Variants in COBL observed in about 807,000 individuals in gnomAD.
COBL encodes the protein cordon-bleu WH2 repeat protein.
Under a neutral mutation model 98.8 loss-of-function variants are expected in COBL, and 51 were observed. The observed-to-expected ratio is 0.52, with a 90% CI of 0.41 to 0.65. The LOEUF is 0.65. Ranked by LOEUF, COBL falls within the 30% of genes least tolerant of loss-of-function variation. The probability of loss-of-function intolerance (pLI) is 0.00; values close to 1 mark genes in which losing one functional copy is unlikely to be tolerated. For missense variants in COBL, 1,617 were observed against 1,617.5 expected, an observed-to-expected ratio of 1.00 and a Z score of 0.01; for synonymous variants, 634 against 651.7, an observed-to-expected ratio of 0.97 and a Z score of 0.41.
chr7:51,066,337 C>G (rs1016534475), intron 7 of COBL, among the ~76,000 whole-genome samples: 3 of 152,176 alleles, frequency 2.0e-5, no homozygotes, highest in African/African-American at 7.2e-5. Context: ...ACCACCTCCT[C>G]CACTTTCTCC....
intron 7 of COBL, among the ~76,000 whole-genome samples, chr7:51,067,281 A>G (rs1792031489): frequency 6.6e-6 from 1 of 152,280 alleles, no homozygotes; most frequent in Non-Finnish European, 1.5e-5. Context: ...CAAGTTACAA[A>G]TGTATATAGA....
At chr7:51,144,117 T>G (rs1005376407) in intron 5 of COBL, among the ~76,000 whole-genome samples, 1 of 152,200 alleles carries the variant, frequency 6.6e-6, no homozygotes, top group Non-Finnish European at 1.5e-5. Context: ...TCTCTCCACC[T>G]GGGCGGCATG....
chr7:51,181,333 C>T (rs112719509), intron 5 of COBL, among the ~76,000 whole-genome samples: 2,009 of 152,306 alleles, frequency 0.013, 44 homozygotes, highest in African/African-American at 0.046. Context: ...GTCCCACACC[C>T]GCCTGAGCTA....
chr7:51,085,110 A>C, intron 7 of COBL, 56 bp downstream of exon 7: 3 of 1,611,062 alleles, frequency 1.9e-6, no homozygotes, highest in Non-Finnish European at 2.5e-6. Flanking sequence ...CAGAGCTGAC[A>C]TTCCAGGACA....
At chr7:51,117,510 TTGGCTA>T (rs1364854619) in intron 6 of COBL, among the ~76,000 whole-genome samples, 2 of 152,168 alleles carry the variant, frequency 1.3e-5, no homozygotes, top group Non-Finnish European at 2.9e-5. Context: ...AATTTTTATA[TTGGCTA>T]TTGTGTTCTT....
intron 5 of COBL, chr7:51,172,596 G>A: frequency 1.7e-6 from 2 of 1,187,974 alleles, no homozygotes; most frequent in South Asian, 2.8e-5. Flanking sequence ...ATAGTCCTTA[G>A]CGATCATTAA....
At chr7:51,235,048 G>A (rs1795115599) in intron 1 of COBL, among the ~76,000 whole-genome samples, 2 of 152,282 alleles carry the variant, frequency 1.3e-5, no homozygotes, top group African/African-American at 4.8e-5. Flanking sequence ...GGGACAGTCT[G>A]CAGCCCTCAC....
chr7:51,251,612 T>C (rs979166775), intron 1 of COBL, among the ~76,000 whole-genome samples: 22 of 152,238 alleles, frequency 1.4e-4, no homozygotes, highest in Admixed American at 1.4e-3. Context: ...CTAAGTTATA[T>C]TGCATTCTCT....
At chr7:51,064,222 G>C (rs1791667731) in intron 7 of COBL, among the ~76,000 whole-genome samples, 2 of 152,132 alleles carry the variant, frequency 1.3e-5, no homozygotes, top group South Asian at 2.1e-4. Flanking sequence ...TGGCTGATGT[G>C]GGGTAAGTGA....
intron 1 of COBL, among the ~76,000 whole-genome samples, chr7:51,315,968 C>A (rs1021051570): frequency 2.6e-5 from 4 of 152,238 alleles, no homozygotes; most frequent in African/African-American, 9.6e-5. Context: ...CTAGGACGCC[C>A]CTTCCACTGC....
chr7:51,202,459 T>C (rs1791223567), intron 2 of COBL, among the ~76,000 whole-genome samples: 1 of 152,186 alleles, frequency 6.6e-6, no homozygotes, highest in Non-Finnish European at 1.5e-5. Context: ...TTATTATAGA[T>C]GTGTATGCAT....
At chr7:51,253,586 G>A (rs1796937134) in intron 1 of COBL, among the ~76,000 whole-genome samples, 1 of 152,192 alleles carries the variant, frequency 6.6e-6, no homozygotes, top group Non-Finnish European at 1.5e-5. Flanking sequence ...AAAGGAGAGT[G>A]AGAGAATTCA....
At chr7:51,268,728 G>A (rs1315465450) in intron 1 of COBL, among the ~76,000 whole-genome samples, 1 of 151,934 alleles carries the variant, frequency 6.6e-6, no homozygotes, top group Non-Finnish European at 1.5e-5. Context: ...TCGGGAGTTC[G>A]AGACCAGCCT....
chr7:51,128,110 C>T (rs1183173777), intron 6 of COBL, among the ~76,000 whole-genome samples: 1 of 152,214 alleles, frequency 6.6e-6, no homozygotes, highest in East Asian at 1.9e-4. Context: ...CACCTTCTTC[C>T]TCCCTAAGGT....
At chr7:51,082,657 C>A (rs1297246668) in intron 7 of COBL, among the ~76,000 whole-genome samples, 2 of 149,624 alleles carry the variant, frequency 1.3e-5, no homozygotes, top group Non-Finnish European at 3.0e-5. Flanking sequence ...GTCCTCCCAG[C>A]TCTTGAGTGC....
chr7:51,148,822 C>T (rs1785282378), intron 5 of COBL, among the ~76,000 whole-genome samples: 1 of 152,030 alleles, frequency 6.6e-6, no homozygotes, highest in African/African-American at 2.4e-5. Flanking sequence ...CCAGGGCTGG[C>T]CATTCAGACA....
chr7:51,267,602 T>C (rs1265608074), intron 1 of COBL, among the ~76,000 whole-genome samples: 1 of 151,922 alleles, frequency 6.6e-6, no homozygotes, highest in Admixed American at 6.6e-5. Context: ...TGAGACAGGG[T>C]TGCTCTCTGT....
chr7:51,211,572 G>A (rs1011481060), intron 2 of COBL, among the ~76,000 whole-genome samples: 3 of 152,174 alleles, frequency 2.0e-5, no homozygotes, highest in Non-Finnish European at 2.9e-5. Context: ...TAAGGCATTC[G>A]CCTAGCTCAG....
At chr7:51,164,356 G>C (rs1400218571) in intron 5 of COBL, among the ~76,000 whole-genome samples, 1 of 152,054 alleles carries the variant, frequency 6.6e-6, no homozygotes, top group Non-Finnish European at 1.5e-5. Context: ...GATAAAGAAA[G>C]GATCCTAAAA....
Sources: allele counts gnomAD v4.1 joint callset (sites outside exome capture counted in the v4.1 genomes callset), GRCh38; gene constraint gnomAD v4.1.1; transcripts MANE v1.5; gene names NCBI Gene and HGNC (gene_info 2026-07-23, HGNC 2026-07-21).